The following UBE3B variants were observed in gnomAD, a reference collection of about 807,000 sequenced individuals.
The protein encoded by UBE3B is ubiquitin-protein ligase E3B.
In UBE3B, 80 loss-of-function variants were observed where a neutral mutation model predicts 132.3. The observed-to-expected ratio is 0.60, with a 90% CI of 0.50 to 0.73. The LOEUF (loss-of-function observed/expected upper bound fraction) is 0.73. Among genes scored for constraint, UBE3B ranks in the 30% least tolerant of loss-of-function variants. The pLI, the probability that UBE3B is intolerant of heterozygous loss-of-function variation, is 0.00. For missense variants in UBE3B, 1,196 were observed against 1,362.5 expected, an observed-to-expected ratio of 0.88 and a Z score of 1.92; for synonymous variants, 487 against 520.4, an observed-to-expected ratio of 0.94 and a Z score of 0.87.
intron 1 of UBE3B, among the ~76,000 whole-genome samples, chr12:109,479,954 G>C (rs1451719227): frequency 2.0e-5 from 3 of 152,166 alleles, no homozygotes; most frequent in African/African-American, 7.2e-5. Flanking sequence ...CATGGAGGGA[G>C]CATATCATTG....
At chr12:109,493,222 TCACCTTGTGGGG>T (rs1391734756) in intron 9 of UBE3B, among the ~76,000 whole-genome samples, 1 of 152,198 alleles carries the variant, frequency 6.6e-6, no homozygotes, top group African/African-American at 2.4e-5. Flanking sequence ...CCTACCCAAG[TCACCTTGTGGGG>T]CAGCTCATTC....
chr12:109,512,815 C>T (rs774988529), intron 18 of UBE3B, among the ~76,000 whole-genome samples: 5 of 152,180 alleles, frequency 3.3e-5, no homozygotes, highest in African/African-American at 7.2e-5. Flanking sequence ...AAGGGCCTTA[C>T]GGCAATTACT....
At chr12:109,538,232 A>G (rs1883524475), downstream of UBE3B, among the ~76,000 whole-genome samples, 1 of 152,220 alleles carries the variant, frequency 6.6e-6, no homozygotes, top group Admixed American at 6.5e-5. This position sits in a 1 kb window ranked among gnomAD's most constrained non-coding sequence, Gnocchi z 4.1. Context: ...GCTGAAAGCC[A>G]TAGGGTCTGG....
At chr12:109,539,110 C>A (rs977692029), downstream of UBE3B, among the ~76,000 whole-genome samples, 2 of 152,178 alleles carry the variant, frequency 1.3e-5, no homozygotes. Context: ...GTGGCGCACA[C>A]CTGTAGTCCC....
At chr12:109,540,421 C>T (rs780348344), downstream of UBE3B, among the ~76,000 whole-genome samples, 6 of 152,178 alleles carry the variant, frequency 3.9e-5, no homozygotes, top group Non-Finnish European at 7.3e-5. Flanking sequence ...ATATTGCCCA[C>T]GCTGGTCTTG....
intron 9 of UBE3B, among the ~76,000 whole-genome samples, chr12:109,494,459 C>T (rs1877913530): frequency 6.6e-6 from 1 of 152,142 alleles, no homozygotes; most frequent in South Asian, 2.1e-4. Context: ...TGTTTTTCCC[C>T]ATATGCCTGC....
intron 24 of UBE3B, among the ~76,000 whole-genome samples, chr12:109,529,510 T>G (rs1371526436): frequency 6.6e-6 from 1 of 152,244 alleles, no homozygotes; most frequent in African/African-American, 2.4e-5. Flanking sequence ...TTAATTGATT[T>G]ATGTCCAGAA....
At chr12:109,533,374 G>A in intron 26 of UBE3B, 92 bp from the exon 27 acceptor site, 1 of 1,226,820 alleles carries the variant, frequency 8.2e-7, no homozygotes, top group Non-Finnish European at 1.2e-6. Flanking sequence ...CACGGTAACA[G>A]ACAGAGCAAA....
At chr12:109,491,987 T>C (rs902394221) in intron 9 of UBE3B, 5 of 152,158 alleles carry the variant, frequency 3.3e-5, no homozygotes, top group African/African-American at 1.2e-4. Flanking sequence ...ATTTGGAAAA[T>C]GATGGGCTAG....
intron 18 of UBE3B, among the ~76,000 whole-genome samples, chr12:109,516,167 C>CTTTTTTTTTTTTTTT (rs59084691): frequency 2.6e-3 from 240 of 91,074 alleles, no homozygotes; most frequent in Non-Finnish European, 3.3e-3. Flanking sequence ...TCTTTTTTTT[C>CTTTTTTTTTTTTTTT]TTTTTTTTTT....
chr12:109,546,535 G>C, the UBE3B span, among the ~76,000 whole-genome samples: 1 of 152,238 alleles, frequency 6.6e-6, no homozygotes, highest in African/African-American at 2.4e-5. Flanking sequence ...ACCAGCTCCA[G>C]CCAGCAACCC....
intron 14 of UBE3B, among the ~76,000 whole-genome samples, chr12:109,504,077 G>A (rs1020196472): frequency 6.6e-6 from 1 of 152,374 alleles, no homozygotes; most frequent in African/African-American, 2.4e-5. Context: ...TAGGGCTCAT[G>A]TAATGATGGG....
At chr12:109,508,892 C>T (rs570582629) in intron 15 of UBE3B, 6 of 332,160 alleles carry the variant, frequency 1.8e-5, no homozygotes, top group South Asian at 1.2e-4. Flanking sequence ...TCTTAGATAT[C>T]GAAAAGATTC....
At chr12:109,530,364 C>G (rs1648129659) in intron 25 of UBE3B, among the ~76,000 whole-genome samples, 183 bp from the exon 26 acceptor site, 1 of 152,176 alleles carries the variant, frequency 6.6e-6, no homozygotes, top group African/African-American at 2.4e-5. Context: ...CTCAAATTCC[C>G]CACCCTTTTA....
chr12:109,490,087 C>T (rs987458198), intron 8 of UBE3B, 83 bp downstream of exon 8: 6 of 1,336,508 alleles, frequency 4.5e-6, no homozygotes, highest in Non-Finnish European at 4.3e-6. Flanking sequence ...ATTCAGCATA[C>T]CTGGTGTCCT....
intron 19 of UBE3B, chr12:109,519,597 G>A (rs997305148): frequency 6.6e-6 from 1 of 152,202 alleles, no homozygotes; most frequent in African/African-American, 2.4e-5. Context: ...CAGGTTGGAG[G>A]AACTCCTGCA....
chr12:109,512,442 G>A (rs1392013552), intron 18 of UBE3B, among the ~76,000 whole-genome samples: 1 of 152,076 alleles, frequency 6.6e-6, no homozygotes, highest in Admixed American at 6.5e-5. Flanking sequence ...GGAAATGAGG[G>A]TAGCAAGCAT....
intron 5 of UBE3B, 60 bp from the exon 6 acceptor site, chr12:109,486,411 G>A: frequency 3.6e-6 from 5 of 1,377,986 alleles, no homozygotes; most frequent in Non-Finnish European, 5.1e-6. Flanking sequence ...CCAACAGTTA[G>A]AGCACAAGTG....
chr12:109,497,405 G>A (rs533217331), intron 9 of UBE3B, among the ~76,000 whole-genome samples: 1 of 151,972 alleles, frequency 6.6e-6, no homozygotes, highest in African/African-American at 2.4e-5. Context: ...TGAGTTATTG[G>A]TGAGTTACCA....
Sources: allele counts gnomAD v4.1 joint callset (sites outside exome capture counted in the v4.1 genomes callset), GRCh38; gene constraint gnomAD v4.1.1; non-coding constraint Gnocchi (gnomAD v3.1); transcripts MANE v1.5; gene names NCBI Gene and HGNC (gene_info 2026-07-23, HGNC 2026-07-21).